RUFY2: variants seen among roughly 807,000 people sequenced by gnomAD.
RUFY2 encodes RUN and FYVE domain-containing protein 2.
A neutral mutation model predicts 94.4 loss-of-function variants in RUFY2; 49 were observed. That is an observed-to-expected ratio of 0.52 (90% CI 0.41 to 0.66). The LOEUF is 0.66. Ranked by LOEUF, RUFY2 falls within the 30% of genes least tolerant of loss-of-function variation. The pLI is 0.00. For missense variants in RUFY2, 541 were observed against 692.8 expected (o/e 0.78, Z 2.46); for synonymous variants, 255 against 235.7 (o/e 1.08, Z -0.75).
intron 11 of RUFY2, among the ~76,000 whole-genome samples, chr10:68,380,550 C>T (rs2048984043): frequency 6.6e-6 from 1 of 151,806 alleles, no homozygotes; most frequent in African/African-American, 2.4e-5. Context: ...TACTTAATAG[C>T]AATATCATCG....
intron 1 of RUFY2, among the ~76,000 whole-genome samples, chr10:68,405,245 G>A (rs2051184090): frequency 6.7e-6 from 1 of 148,516 alleles, no homozygotes; most frequent in South Asian, 2.1e-4. Context: ...CCCAGGAGGC[G>A]GAGATTGCAG....
At chr10:68,400,371 T>C (rs1371379817) in intron 3 of RUFY2, among the ~76,000 whole-genome samples, 2 of 151,804 alleles carry the variant, frequency 1.3e-5, no homozygotes, top group African/African-American at 4.8e-5. Flanking sequence ...ACATTTTAAT[T>C]ACACTCTAAA....
In RUFY2 at chr10:68,393,977, A is replaced by G. The variant is rs571955769; in HGVS notation, c.584+98T>C. The G allele has an allele frequency of 1.6e-4, 224 of 1,428,092 alleles. No homozygotes were observed. In the Middle Eastern group the frequency reaches 1.6e-3, roughly 10 times the overall value. The allele number at this position is 1,428,092 out of a possible 1,614,324, so 88.5% of individuals were successfully genotyped here. A position where few individuals can be genotyped will look rare whatever the true frequency, so the allele number is the denominator to read the frequency against. Reference sequence around the variant, plus strand: ...TGAAGAAGTCACAGGGGGGAAAACAACAAAATAAAACCACACTGTAAATAG... The same window carrying G: ...TGAAGAAGTCACAGGGGGGAAAACAGCAAAATAAAACCACACTGTAAATAG... On this transcript the variant is annotated intron_variant, in intron 6 of 17. Transcript: ENST00000602465.
downstream of RUFY2, chr10:68,341,540 CCAT>C (rs2045941600): frequency 7.8e-7 from 1 of 1,282,844 alleles, no homozygotes; most frequent in South Asian, 1.3e-5. Flanking sequence ...TGAATTTTAT[CCAT>C]CATTCCTTTC....
chr10:68,342,810 C>G (rs1345258200), downstream of RUFY2: 1 of 152,466 alleles, frequency 6.6e-6, no homozygotes, highest in African/African-American at 2.4e-5. Context: ...CTCAGTGACA[C>G]AAGAATTCAG....
intron 13 of RUFY2, among the ~76,000 whole-genome samples, chr10:68,375,775 C>CAA (rs879849864): frequency 1.6e-5 from 2 of 124,780 alleles, no homozygotes; most frequent in African/African-American, 3.0e-5. Context: ...GACTCCATCT[C>CAA]AAAAAAAAAA....
At chr10:68,352,173 C>T (rs1483478174) in intron 16 of RUFY2, among the ~76,000 whole-genome samples, 1 of 152,056 alleles carries the variant, frequency 6.6e-6, no homozygotes, top group Non-Finnish European at 1.5e-5. Flanking sequence ...ACTACCCAGG[C>T]TGGTCTCAAA....
chr10:68,406,890 G>T, intron 1 of RUFY2: 1 of 1,591,192 alleles, frequency 6.3e-7, no homozygotes, highest in Non-Finnish European at 8.5e-7. Context: ...TCCCCGACCC[G>T]GGAGTGACAC....
At position 68,343,808 on chromosome 10, in the gene RUFY2, T is replaced by TAAAAAAAAAAAAAAAA. The variant is rs755419558; in HGVS notation, c.*1944_*1959dup. The TAAAAAAAAAAAAAAAA allele has an allele frequency of 8.6e-6, 1 of 115,680 alleles. No individual in the cohort carries two copies. Among genetic ancestry groups the TAAAAAAAAAAAAAAAA allele is most frequent in the Admixed American group, 8.8e-5 (1 of 11,300 alleles). The allele number at this position is 115,680 out of a possible 1,614,324, so 7.2% of individuals were successfully genotyped here. A position where few individuals can be genotyped will look rare whatever the true frequency, so the allele number is the denominator to read the frequency against. ...GCAAGTTGCTGTCATAAAAGCTGCCTAAAAAAAAAAAAAAAAAAAAAAAAA... is the reference window on the plus strand; with the variant it reads ...GCAAGTTGCTGTCATAAAAGCTGCCTAAAAAAAAAAAAAAAAAAAAAAAAAAAAAAAAAAAAAAAAA... On this transcript the variant is annotated 3_prime_UTR_variant, in exon 18 of 18. Coordinates refer to ENST00000602465, the MANE Select transcript of RUFY2 (RefSeq NM_001330103.2).
chr10:68,394,278 C>T, intron 5 of RUFY2, 50 bp downstream of exon 5: 1 of 1,611,512 alleles, frequency 6.2e-7, no homozygotes, highest in Non-Finnish European at 8.5e-7. Flanking sequence ...CAAGGAGGAA[C>T]TGTGCAAACT....
chr10:68,346,690 G>A (rs1252476224), intron 16 of RUFY2: 2 of 152,150 alleles, frequency 1.3e-5, no homozygotes, highest in African/African-American at 4.8e-5. Flanking sequence ...TGGGGTACAT[G>A]AGATGTTTTG....
intron 7 of RUFY2, among the ~76,000 whole-genome samples, chr10:68,387,622 G>A (rs1364429877): frequency 2.0e-5 from 3 of 152,196 alleles, no homozygotes; most frequent in Non-Finnish European, 2.9e-5. Flanking sequence ...GCACCAGGAT[G>A]TCCTGATGGT....
chr10:68,381,379 T>C lies in RUFY2; in HGVS notation c.960A>G (p.Ala320=). 1 of 1,611,782 alleles carries C rather than the reference T, an allele frequency of 6.2e-7. No homozygotes were observed. The highest frequency in any genetic ancestry group is 8.5e-7 in the Non-Finnish European group (1 of 1,179,312). ...QLRQDVENEL[A]VQVSMKHEIE... Reference sequence around the variant, plus strand: ...TCTCATGCTTCATACTAACTTGTACTGCTAGCTCATTCTCTACATCCTGCA... The same window carrying C: ...TCTCATGCTTCATACTAACTTGTACCGCTAGCTCATTCTCTACATCCTGCA... Residue 320 remains alanine, a synonymous_variant, in exon 11 of 18, where the codon GCA becomes GCG. Transcript: ENST00000602465.
chr10:68,383,475 C>CG (rs1018395743), intron 10 of RUFY2, among the ~76,000 whole-genome samples: 1 of 151,878 alleles, frequency 6.6e-6, no homozygotes, highest in Non-Finnish European at 1.5e-5. Flanking sequence ...AAAAATTAGC[C>CG]GGGTGTGGTG....
intron 16 of RUFY2, among the ~76,000 whole-genome samples, chr10:68,349,803 G>A (rs2132293430): frequency 6.6e-6 from 1 of 152,120 alleles, no homozygotes; most frequent in Non-Finnish European, 1.5e-5. Context: ...CTCCCAAAGT[G>A]CTGGGATTAC....
intron 7 of RUFY2, among the ~76,000 whole-genome samples, chr10:68,387,013 A>C (rs1224653425): frequency 6.6e-6 from 1 of 152,166 alleles, no homozygotes; most frequent in East Asian, 1.9e-4. Flanking sequence ...AGATGAACAC[A>C]CTTTTTGCAT....
chr10:68,381,614 G>A (rs757104028), intron 10 of RUFY2, among the ~76,000 whole-genome samples: 9 of 152,204 alleles, frequency 5.9e-5, no homozygotes, highest in Non-Finnish European at 1.3e-4. Flanking sequence ...GGAGGCCAAG[G>A]TGGGTGGATC....
At chr10:68,385,475 C>T (rs2049425430) in intron 8 of RUFY2, among the ~76,000 whole-genome samples, 1 of 151,934 alleles carries the variant, frequency 6.6e-6, no homozygotes, top group Non-Finnish European at 1.5e-5. Context: ...GAGCTTTGCA[C>T]ATGAGAAGGT....
Position 68,394,109 on chromosome 10 carries a change from A to G in RUFY2, c.550T>C (p.Leu184=). Residue 184 remains leucine (L), a synonymous_variant, in exon 6 of 18, where the codon TTA becomes CTA. Transcript: ENST00000602465. ...QVGVIDFSMY[L]KNEEDIGNKE... is the part of the protein sequence containing the mutation. ...TTTCCAATATCTTCTTCATTCTTTA[A>G]ATACATAGAAAAATCAATCACTCCA... is the stretch of plus-strand genomic sequence containing the variant. The G allele has an allele frequency of 6.7e-7, 1 of 1,502,948 alleles. No individual in the cohort carries two copies. The highest frequency in any genetic ancestry group is 8.9e-7 in the Non-Finnish European group (1 of 1,120,818). The allele number at this position is 1,502,948 out of a possible 1,614,324, so 93.1% of individuals were successfully genotyped here. A position where few individuals can be genotyped will look rare whatever the true frequency, so the allele number is the denominator to read the frequency against.
Sources: allele counts gnomAD v4.1 joint callset (sites outside exome capture counted in the v4.1 genomes callset), GRCh38; gene constraint gnomAD v4.1.1; transcripts MANE v1.5; gene names NCBI Gene and HGNC (gene_info 2026-07-23, HGNC 2026-07-21).